Variants in HS6ST3 observed in about 807,000 individuals in gnomAD.
HS6ST3 encodes the protein heparan-sulfate 6-O-sulfotransferase 3.
In HS6ST3, 12 loss-of-function variants were observed where a neutral mutation model predicts 36.7. The observed-to-expected ratio is 0.33, with a 90% CI of 0.21 to 0.53. The LOEUF (loss-of-function observed/expected upper bound fraction) is 0.53. Among genes scored for constraint, HS6ST3 ranks in the 20% least tolerant of loss-of-function variants. The pLI is 0.95. For synonymous variants in HS6ST3, 240 were observed against 257.5 expected (o/e 0.93, Z 0.65); for missense variants, 584 against 640.9 (o/e 0.91, Z 0.96).
chr13:96,294,459 G>A (rs1437185481), intron 1 of HS6ST3, among the ~76,000 whole-genome samples: 1 of 152,082 alleles, frequency 6.6e-6, no homozygotes, highest in Non-Finnish European at 1.5e-5. Context: ...CAGTTTTGCA[G>A]TCACACTAGC....
At chr13:96,584,560 T>C (rs1216287430) in intron 1 of HS6ST3, among the ~76,000 whole-genome samples, 3 of 152,206 alleles carry the variant, frequency 2.0e-5, no homozygotes, top group Admixed American at 6.5e-5. Context: ...ATAGAGGTGC[T>C]CAATAAACAT....
At chr13:96,268,874 C>T (rs1443043065) in intron 1 of HS6ST3, among the ~76,000 whole-genome samples, 1 of 151,852 alleles carries the variant, frequency 6.6e-6, no homozygotes, top group Non-Finnish European at 1.5e-5. Context: ...AATCACATTC[C>T]TTCAAATCTG....
chr13:96,103,616 A>G (rs1186357704), intron 1 of HS6ST3, among the ~76,000 whole-genome samples: 1 of 152,190 alleles, frequency 6.6e-6, no homozygotes, highest in Non-Finnish European at 1.5e-5. Flanking sequence ...CACTTCGTAA[A>G]TTATACAGTA....
Position 96,091,093 on chromosome 13 carries a change from G to A in HS6ST3, c.231G>A (p.Gly77=), listed in dbSNP as rs759226857. ...RRPQLPPPPR[G]PPEGPRGAAA... ...CCCAGTTGCCCCCGCCGCCCCGGGG[G>A]CCCCCCGAGGGACCTCGGGGGGCCG... The change falls in exon 1 of 2, where the codon GGG becomes GGA. Residue 77 remains glycine, a synonymous_variant. Coordinates refer to ENST00000376705, the MANE Select transcript of HS6ST3 (RefSeq NM_153456.4). 24 of 1,304,888 alleles carry A rather than the reference G, an allele frequency of 1.8e-5. No homozygotes were observed. In the South Asian group the frequency reaches 4.3e-4, roughly 24 times the overall value. 80.8% of individuals were successfully genotyped at this position (1,304,888 alleles called of 1,614,324 possible). A position where few individuals can be genotyped will look rare whatever the true frequency, so the allele number is the denominator to read the frequency against.
At chr13:96,178,482 G>A (rs1411887237) in intron 1 of HS6ST3, among the ~76,000 whole-genome samples, 1 of 152,054 alleles carries the variant, frequency 6.6e-6, no homozygotes, top group South Asian at 2.1e-4. Flanking sequence ...TTCTACCCTG[G>A]AACTATACAC....
intron 1 of HS6ST3, among the ~76,000 whole-genome samples, chr13:96,700,612 A>T (rs1373672077): frequency 6.6e-6 from 1 of 152,206 alleles, no homozygotes; most frequent in Non-Finnish European, 1.5e-5. Flanking sequence ...ATCTCATATA[A>T]GAAACCTATA....
At chr13:96,810,970 A>T (rs1482388679) in intron 1 of HS6ST3, among the ~76,000 whole-genome samples, 2 of 152,150 alleles carry the variant, frequency 1.3e-5, no homozygotes, top group Non-Finnish European at 2.9e-5. Flanking sequence ...AAATACTAAC[A>T]ATAGAGACCA....
At chr13:96,129,460 T>C (rs186802814) in intron 1 of HS6ST3, among the ~76,000 whole-genome samples, 36 of 152,328 alleles carry the variant, frequency 2.4e-4, no homozygotes, top group Admixed American at 1.8e-3. Context: ...ACATCTTCTG[T>C]TCTGGTTCTT....
chr13:96,442,101 A>G (rs1279909575), intron 1 of HS6ST3, among the ~76,000 whole-genome samples: 1 of 151,242 alleles, frequency 6.6e-6, no homozygotes, highest in Non-Finnish European at 1.5e-5. Flanking sequence ...GGCTCGTTGC[A>G]GCCTTGACCT....
At chr13:96,318,844 C>T (rs2054989856) in intron 1 of HS6ST3, among the ~76,000 whole-genome samples, 1 of 152,002 alleles carries the variant, frequency 6.6e-6, no homozygotes, top group Non-Finnish European at 1.5e-5. Flanking sequence ...ATGTTGGTCA[C>T]CTATTAGGTC....
intron 1 of HS6ST3, among the ~76,000 whole-genome samples, chr13:96,639,094 A>G (rs1285880417): frequency 6.6e-6 from 1 of 151,954 alleles, no homozygotes; most frequent in Non-Finnish European, 1.5e-5. Flanking sequence ...AGAGTTATTC[A>G]AGATTTCTGT....
intron 1 of HS6ST3, among the ~76,000 whole-genome samples, chr13:96,509,333 T>C (rs966296843): frequency 2.0e-5 from 3 of 152,158 alleles, no homozygotes; most frequent in African/African-American, 7.2e-5. Flanking sequence ...TCTTTTGCTC[T>C]ATGGAAGTTT....
At chr13:96,764,184 C>A (rs1189662798) in intron 1 of HS6ST3, among the ~76,000 whole-genome samples, 1 of 152,122 alleles carries the variant, frequency 6.6e-6, no homozygotes, top group Non-Finnish European at 1.5e-5. Flanking sequence ...AATTTTAGCT[C>A]CAATTGTTGT....
At chr13:96,609,782 A>T (rs1366116092) in intron 1 of HS6ST3, among the ~76,000 whole-genome samples, 1 of 152,228 alleles carries the variant, frequency 6.6e-6, no homozygotes, top group Non-Finnish European at 1.5e-5. Context: ...TTTAATGAAA[A>T]TAATTCCATT....
In HS6ST3 at chr13:96,835,051, G is replaced by T. The variant is rs1594871415; in HGVS notation, c.*1853G>T. Reference sequence around the variant, plus strand: ...AAATAGTGAAGCCCACAGAAAATAAGTAGCTCCTCCACAGGTTGTAAGCTA... The same window carrying T: ...AAATAGTGAAGCCCACAGAAAATAATTAGCTCCTCCACAGGTTGTAAGCTA... On this transcript the variant is annotated 3_prime_UTR_variant, in exon 2 of 2. Transcript: ENST00000376705. 1 of 152,156 alleles carries T rather than the reference G, an allele frequency of 6.6e-6. No homozygotes were observed. The highest frequency in any genetic ancestry group is 2.4e-5 in the African/African-American group (1 of 41,418). The allele number at this position is 152,156 out of a possible 1,614,324, so 9.4% of individuals were successfully genotyped here.
intron 1 of HS6ST3, among the ~76,000 whole-genome samples, chr13:96,660,393 A>G (rs931535485): frequency 6.6e-6 from 1 of 152,188 alleles, no homozygotes; most frequent in African/African-American, 2.4e-5. Flanking sequence ...ATGTAAAATC[A>G]TATTAGCCAA....
At chr13:96,722,429 T>G (rs528821967) in intron 1 of HS6ST3, among the ~76,000 whole-genome samples, 85 of 152,340 alleles carry the variant, frequency 5.6e-4, no homozygotes, top group Non-Finnish European at 2.1e-4. Context: ...ATCATTCCAC[T>G]TGAGTCTCCT....
chr13:96,220,235 T>C (rs980922476), intron 1 of HS6ST3, among the ~76,000 whole-genome samples: 1 of 152,232 alleles, frequency 6.6e-6, no homozygotes, highest in East Asian at 1.9e-4. Context: ...ATCCTTTCCA[T>C]GCAGATAATA....
intron 1 of HS6ST3, among the ~76,000 whole-genome samples, chr13:96,138,636 C>G (rs563422339): frequency 1.5e-4 from 23 of 152,108 alleles, no homozygotes; most frequent in African/African-American, 4.8e-4. Flanking sequence ...TTCACCCAGT[C>G]CCATCAACCA....
Sources: allele counts gnomAD v4.1 joint callset (sites outside exome capture counted in the v4.1 genomes callset), GRCh38; gene constraint gnomAD v4.1.1; transcripts MANE v1.5; gene names NCBI Gene and HGNC (gene_info 2026-07-23, HGNC 2026-07-21).